The following VSTM4 variants were observed in gnomAD, a reference collection of about 807,000 sequenced individuals.
VSTM4 encodes V-set and transmembrane domain-containing protein 4.
A neutral mutation model predicts 36.4 loss-of-function variants in VSTM4; 20 were observed. The ratio of observed to expected loss-of-function variants is 0.55; its 90% CI spans 0.39 to 0.80. The LOEUF is 0.80. Among genes scored for constraint, VSTM4 ranks in the 30% least tolerant of loss-of-function variants. The probability of loss-of-function intolerance (pLI) is 0.00; values close to 1 mark genes in which losing one functional copy is unlikely to be tolerated. For missense variants in VSTM4, 392 were observed against 404.5 expected, an observed-to-expected ratio of 0.97 and a Z score of 0.26; for synonymous variants, 182 against 173.9, an observed-to-expected ratio of 1.05 and a Z score of -0.37.
intron 7 of VSTM4, among the ~76,000 whole-genome samples, chr10:49,037,812 A>AT (rs1843455509): frequency 6.6e-6 from 1 of 152,336 alleles, no homozygotes; most frequent in African/African-American, 2.4e-5. Context: ...TTGAATAGCC[A>AT]TTTCTCCAAA....
intron 2 of VSTM4, chr10:49,103,629 A>C: frequency 8.0e-6 from 12 of 1,509,088 alleles, no homozygotes; most frequent in Non-Finnish European, 1.1e-5. Context: ...TATCATCGCA[A>C]GTCACCCTCC....
intron 5 of VSTM4, 156 bp downstream of exon 5, chr10:49,064,547 T>C (rs941594191): frequency 1.2e-6 from 1 of 832,956 alleles, no homozygotes; most frequent in Non-Finnish European, 1.9e-6. Context: ...CTTGGAAACA[T>C]GCAAATGCAT....
At chr10:49,105,205 C>CAGAG (rs1844752751) in intron 2 of VSTM4, among the ~76,000 whole-genome samples, 1 of 70,650 alleles carries the variant, frequency 1.4e-5, no homozygotes, top group South Asian at 6.1e-4. Context: ...GAGGGAGAGA[C>CAGAG]AGAGAGACAG....
At chr10:49,113,438 C>T (rs931642845) in intron 1 of VSTM4, among the ~76,000 whole-genome samples, 1 of 152,088 alleles carries the variant, frequency 6.6e-6, no homozygotes, top group Non-Finnish European at 1.5e-5. Flanking sequence ...AAACTCTATG[C>T]CCTTTAGATG....
intron 5 of VSTM4, among the ~76,000 whole-genome samples, chr10:49,054,736 T>C (rs1050547675): frequency 1.3e-5 from 2 of 152,200 alleles, no homozygotes; most frequent in African/African-American, 4.8e-5. Context: ...AAACTAAATG[T>C]GAGGTCAAAG....
intron 2 of VSTM4, among the ~76,000 whole-genome samples, chr10:49,091,967 C>T (rs1251764806): frequency 1.2e-4 from 19 of 152,160 alleles, no homozygotes; most frequent in Admixed American, 3.9e-4. Context: ...GGGGCCCTGG[C>T]GGGCCAAGAG....
chr10:49,115,401 C>A, intron 1 of VSTM4, 30 bp downstream of exon 1: 1 of 1,013,592 alleles, frequency 9.9e-7, no homozygotes, highest in Non-Finnish European at 1.2e-6. Context: ...CCCCACCCTT[C>A]CCGCTCCCGC....
At chr10:49,033,654 T>TG (rs1564567607) in intron 7 of VSTM4, among the ~76,000 whole-genome samples, 7 of 152,130 alleles carry the variant, frequency 4.6e-5, no homozygotes, top group African/African-American at 1.7e-4. Context: ...CAGAGTGCAG[T>TG]GGGGAAGAAC....
chr10:49,063,638 A>G (rs1488279987), intron 5 of VSTM4, among the ~76,000 whole-genome samples: 1 of 152,170 alleles, frequency 6.6e-6, no homozygotes, highest in Non-Finnish European at 1.5e-5. Flanking sequence ...TTTGGTTTAT[A>G]TGGTGCCACT....
intron 7 of VSTM4, among the ~76,000 whole-genome samples, chr10:49,042,334 G>T (rs1843533549): frequency 6.6e-6 from 1 of 152,148 alleles, no homozygotes; most frequent in Non-Finnish European, 1.5e-5. Flanking sequence ...AGGATTTTTT[G>T]ATAACATGAA....
At chr10:49,096,713 G>A (rs1442599084) in intron 2 of VSTM4, among the ~76,000 whole-genome samples, 3 of 150,410 alleles carry the variant, frequency 2.0e-5, no homozygotes, top group African/African-American at 7.4e-5. Context: ...GGAGTACAAT[G>A]ACACGATCTC....
Position 49,113,368 on chromosome 10 carries a change from C to T in VSTM4, c.55+2063G>A, listed in dbSNP as rs1844932337. On this transcript the variant is annotated intron_variant, in intron 1 of 7. Coordinates refer to ENST00000332853, the MANE Select transcript of VSTM4 (RefSeq NM_001031746.5). ...ACATTAGCCTATCACCTGAAAATAG[C>T]TCCATCCAGGATAAAAATATCACCT... Among the ~76,000 whole-genome samples the T allele has an allele frequency of 2.0e-5, 3 of 152,204 alleles. No individual in the cohort carries two copies. The South Asian group carries it at 6.2e-4, about 31-fold the overall frequency.
intron 1 of VSTM4, among the ~76,000 whole-genome samples, chr10:49,110,439 G>A (rs12255055): frequency 0.45 from 69,091 of 151,850 alleles, 16,444 homozygotes; most frequent in African/African-American, 0.61. Context: ...TTTTATAGGC[G>A]CACCTCCCTG....
chr10:49,107,487 T>C lies in VSTM4; in HGVS notation c.457+107A>G, dbSNP rs149314169. On this transcript the variant is annotated intron_variant, in intron 2 of 7. Coordinates refer to ENST00000332853, the MANE Select transcript of VSTM4 (RefSeq NM_001031746.5). The stretch of plus-strand genomic sequence containing the variant: ...GACCAACAGAGGCCCACAAGATATG[T>C]TCTAGTGCAACACAGCCAACCCGGG... The C allele has an allele frequency of 2.1e-4, 287 of 1,394,316 alleles. 3 individuals are homozygous for C. In the East Asian group the frequency reaches 6.5e-3, roughly 32 times the overall value. The allele number at this position is 1,394,316 out of a possible 1,614,324, so 86.4% of individuals were successfully genotyped here. A position where few individuals can be genotyped will look rare whatever the true frequency, so the allele number is the denominator to read the frequency against.
chr10:49,088,905 T>G (rs908263100), intron 2 of VSTM4, among the ~76,000 whole-genome samples: 1 of 152,228 alleles, frequency 6.6e-6, no homozygotes, highest in Non-Finnish European at 1.5e-5. Context: ...ACCCCACATG[T>G]GGTCCACGGG....
chr10:49,058,162 T>A (rs1409950133), intron 5 of VSTM4, among the ~76,000 whole-genome samples: 1 of 152,152 alleles, frequency 6.6e-6, no homozygotes, highest in Non-Finnish European at 1.5e-5. Flanking sequence ...TTCTGTACCA[T>A]TCATTGCTGC....
At chr10:49,108,130 G>T in intron 1 of VSTM4, 135 bp from the exon 2 acceptor site, 1 of 1,264,146 alleles carries the variant, frequency 7.9e-7, no homozygotes, top group Non-Finnish European at 1.1e-6. Flanking sequence ...GAAGCAGGCG[G>T]CCCCTCACCT....
intron 3 of VSTM4, among the ~76,000 whole-genome samples, chr10:49,083,839 T>C (rs1844323218): frequency 1.3e-5 from 2 of 152,252 alleles, no homozygotes; most frequent in Non-Finnish European, 2.9e-5. Context: ...TTTCAAAGTA[T>C]GGTCCTCAGA....
intron 3 of VSTM4, among the ~76,000 whole-genome samples, chr10:49,084,429 G>A (rs1409036709): frequency 6.6e-6 from 1 of 152,338 alleles, no homozygotes; most frequent in East Asian, 1.9e-4. Flanking sequence ...GACACCTTAT[G>A]GTCTGCAAAC....
Sources: allele counts gnomAD v4.1 joint callset (sites outside exome capture counted in the v4.1 genomes callset), GRCh38; gene constraint gnomAD v4.1.1; transcripts MANE v1.5; gene names NCBI Gene and HGNC (gene_info 2026-07-23, HGNC 2026-07-21).